The following ARHGEF10L variants were observed in gnomAD, a reference collection of about 807,000 sequenced individuals.
ARHGEF10L encodes rho guanine nucleotide exchange factor 10-like protein.
In ARHGEF10L, 69 loss-of-function variants were observed where a neutral mutation model predicts 141.2. That is an observed-to-expected ratio of 0.49 (90% CI 0.40 to 0.60). The LOEUF (loss-of-function observed/expected upper bound fraction) is 0.60, where lower values mean the gene tolerates loss of function less well. Ranked by LOEUF, ARHGEF10L falls within the 20% of genes least tolerant of loss-of-function variation. ARHGEF10L has a pLI of 0.00. For synonymous variants in ARHGEF10L, 711 were observed against 718.5 expected (o/e 0.99, Z 0.17); for missense variants, 1,482 against 1,734.3 (o/e 0.85, Z 2.58).
intron 26 of ARHGEF10L, among the ~76,000 whole-genome samples, chr1:17,672,532 A>G (rs2063391065): frequency 1.3e-5 from 2 of 152,256 alleles, no homozygotes; most frequent in African/African-American, 4.8e-5. Context: ...GCGTCCTATC[A>G]CTGCATGGAG....
chr1:17,637,066 C>G (rs1167424078), intron 18 of ARHGEF10L, among the ~76,000 whole-genome samples: 2 of 151,642 alleles, frequency 1.3e-5, no homozygotes, highest in African/African-American at 4.8e-5. Flanking sequence ...CCCACCACCT[C>G]CTACCACCCA....
intron 27 of ARHGEF10L, 140 bp from the exon 28 acceptor site, chr1:17,695,018 C>A: frequency 7.8e-7 from 1 of 1,289,578 alleles, no homozygotes. Flanking sequence ...AAAGCCCCAG[C>A]TCTTCCCCAC....
intron 1 of ARHGEF10L, among the ~76,000 whole-genome samples, chr1:17,554,453 ACATCT>A (rs1466491806): frequency 1.3e-5 from 2 of 151,818 alleles, no homozygotes; most frequent in Admixed American, 6.6e-5. Context: ...CACACATAGG[ACATCT>A]CAGTCCCAGA....
the ARHGEF10L span, among the ~76,000 whole-genome samples, chr1:17,527,366 C>A: frequency 2.6e-5 from 4 of 152,178 alleles, no homozygotes; most frequent in African/African-American, 9.7e-5. Flanking sequence ...AGCCTCCTGG[C>A]GGGTGCTCCA....
chr1:17,585,410 C>T (rs183184414), intron 2 of ARHGEF10L, among the ~76,000 whole-genome samples: 4 of 152,250 alleles, frequency 2.6e-5, no homozygotes, highest in Admixed American at 2.6e-4. Flanking sequence ...GGGCACAGCT[C>T]GGGATCTCTC....
At chr1:17,659,593 T>C (rs1332879979) in intron 25 of ARHGEF10L, among the ~76,000 whole-genome samples, 1 of 152,148 alleles carries the variant, frequency 6.6e-6, no homozygotes, top group African/African-American at 2.4e-5. Flanking sequence ...GCAGGCTCTG[T>C]ATCAACCTCA....
chr1:17,660,255 G>C (rs978595295), intron 25 of ARHGEF10L, among the ~76,000 whole-genome samples: 1 of 152,190 alleles, frequency 6.6e-6, no homozygotes, highest in Non-Finnish European at 1.5e-5. Flanking sequence ...GCTGTGGTTC[G>C]GAGTCCCCCC....
At chr1:17,574,873 C>G (rs1400006270) in intron 1 of ARHGEF10L, among the ~76,000 whole-genome samples, 1 of 152,310 alleles carries the variant, frequency 6.6e-6, no homozygotes, top group African/African-American at 2.4e-5. Context: ...TGGTTTGCAT[C>G]CCCTTCTCTT....
chr1:17,556,882 C>T (rs1011517501), intron 1 of ARHGEF10L, among the ~76,000 whole-genome samples: 2 of 152,174 alleles, frequency 1.3e-5, no homozygotes, highest in African/African-American at 2.4e-5. Context: ...AAAGGCTGGG[C>T]ACAGCGGCAC....
chr1:17,625,405 G>A lies in ARHGEF10L; in HGVS notation c.1318-551G>A, dbSNP rs2060327495. ...GGTGGTTCTAGACCTCCAGGCCCAG[G>A]GCCTAGGATGTAATATTTCAGGTAA... On this transcript the variant is annotated intron_variant, in intron 13 of 28. Transcript: ENST00000361221. The surrounding 1 kb of genome is among the most constrained non-coding windows in gnomAD (Gnocchi z 4.5). Among the ~76,000 whole-genome samples the A allele has an allele frequency of 6.6e-6, 1 of 152,172 alleles. No individual in the cohort carries two copies. The highest frequency in any genetic ancestry group is 2.4e-5 in the African/African-American group (1 of 41,432).
chr1:17,535,493 C>A (rs12134695), upstream of ARHGEF10L, among the ~76,000 whole-genome samples: 54,976 of 151,984 alleles, frequency 0.36, 10,485 homozygotes, highest in Non-Finnish European at 0.41. Context: ...CGGCGGGGGC[C>A]CTGGGTCCCC....
At chr1:17,632,666 G>A (rs1190159280) in intron 16 of ARHGEF10L, among the ~76,000 whole-genome samples, 200 bp downstream of exon 16, 1 of 152,200 alleles carries the variant, frequency 6.6e-6, no homozygotes, top group Non-Finnish European at 1.5e-5. Flanking sequence ...AGTCATCGGG[G>A]GCAGCCCTCA....
intron 7 of ARHGEF10L, among the ~76,000 whole-genome samples, chr1:17,610,405 A>G (rs957146477): frequency 3.9e-5 from 6 of 152,346 alleles, no homozygotes; most frequent in East Asian, 1.9e-4. Context: ...ACCCTTCCTC[A>G]GCAGAAAAAC....
intron 25 of ARHGEF10L, among the ~76,000 whole-genome samples, chr1:17,661,170 C>G (rs896503535): frequency 6.6e-6 from 1 of 152,104 alleles, no homozygotes; most frequent in Non-Finnish European, 1.5e-5. Flanking sequence ...CTTGGCCTCC[C>G]GGGTTCAAGT....
intron 3 of ARHGEF10L, among the ~76,000 whole-genome samples, chr1:17,587,994 C>A (rs553532973): frequency 6.6e-6 from 1 of 152,338 alleles, no homozygotes; most frequent in Non-Finnish European, 1.5e-5. Flanking sequence ...GAGGTTCCCT[C>A]TCCTGTCTGC....
chr1:17,560,626 C>T (rs990837451), intron 1 of ARHGEF10L, among the ~76,000 whole-genome samples: 5 of 152,290 alleles, frequency 3.3e-5, no homozygotes, highest in South Asian at 2.1e-4. Flanking sequence ...AGTACAATGG[C>T]GCAATCTCGG....
intron 15 of ARHGEF10L, among the ~76,000 whole-genome samples, chr1:17,629,789 C>A (rs970199997): frequency 3.9e-5 from 6 of 152,204 alleles, no homozygotes; most frequent in African/African-American, 1.4e-4. Flanking sequence ...CTGGCCTTTG[C>A]GCTCAGGAAT....
intron 4 of ARHGEF10L, among the ~76,000 whole-genome samples, chr1:17,600,419 C>A (rs1351590064): frequency 6.6e-6 from 1 of 152,064 alleles, no homozygotes. Context: ...TTTTTTTGAA[C>A]CTGGACTTCA....
In ARHGEF10L at chr1:17,611,533, TATCCATCCATCC is replaced by T. The variant is rs56751222; in HGVS notation, c.610-1491_610-1480del. Among the ~76,000 whole-genome samples the T allele has an allele frequency of 9.6e-3, 1,451 of 150,766 alleles. 25 individuals are homozygous for T. Among genetic ancestry groups the T allele is most frequent in the African/African-American group, 0.027 (1,118 of 40,734 alleles). On this transcript the variant is annotated intron_variant, in intron 7 of 28. Coordinates refer to ENST00000361221, the MANE Select transcript of ARHGEF10L (RefSeq NM_018125.4). ...ATCACAGGTGCCTCATCTGTCTGTA[TATCCATCCATCC>T]ATCCATCCATCCATCCATCCATCCA...
Sources: allele counts gnomAD v4.1 joint callset (sites outside exome capture counted in the v4.1 genomes callset), GRCh38; gene constraint gnomAD v4.1.1; non-coding constraint Gnocchi (gnomAD v3.1); transcripts MANE v1.5; gene names NCBI Gene and HGNC (gene_info 2026-07-23, HGNC 2026-07-21).